HS3ST4: variants seen among roughly 807,000 people sequenced by gnomAD.
HS3ST4 encodes the protein heparan sulfate glucosamine 3-O-sulfotransferase 4.
Under a neutral mutation model 29.2 loss-of-function variants are expected in HS3ST4, and 17 were observed. That is an observed-to-expected ratio of 0.58 (90% CI 0.40 to 0.87). The LOEUF is 0.87. HS3ST4 is among the 40% of genes least tolerant of loss of function. The pLI is 0.00. For synonymous variants in HS3ST4, 314 were observed against 285.7 expected (o/e 1.10, Z -1.00); for missense variants, 627 against 634.5 (o/e 0.99, Z 0.13).
rs765704810 is a variant in HS3ST4 at position 25,692,947 on chromosome 16, C to T, written c.530C>T (p.Ala177Val). 1.9e-6 allele frequency: 3 copies of T among 1,609,518 alleles called. No homozygotes were observed. In the African/African-American group the frequency reaches 4.0e-5, roughly 22 times the overall value. Residue 177 changes from alanine (A) to valine (V), a missense_variant, in exon 1 of 2, where the codon GCC becomes GTC. Physicochemically the swap from Ala to Val is moderately conservative, Grantham distance 64. This residue lies in a region of HS3ST4 where 402 missense variants were observed against 340.8 expected (regional missense o/e 1.18). Coordinates refer to ENST00000331351, the MANE Select transcript of HS3ST4 (RefSeq NM_006040.3). ...GAGGATCTCGCAGGCCGGAGAGCGGCCAACGGGAGCAGCGAGAGGGGCGGC... is the reference window on the plus strand; with the variant it reads ...GAGGATCTCGCAGGCCGGAGAGCGGTCAACGGGAGCAGCGAGAGGGGCGGC... ...TDEDLAGRRA[A>V]NGSSERGGAV...
intron 1 of HS3ST4, among the ~76,000 whole-genome samples, chr16:25,758,231 A>G (rs542510960): frequency 6.6e-6 from 1 of 152,230 alleles, no homozygotes; most frequent in East Asian, 1.9e-4. Flanking sequence ...CTTTGCTCTA[A>G]CCCTTATATC....
At chr16:26,012,827 G>C (rs963305057) in intron 1 of HS3ST4, among the ~76,000 whole-genome samples, 2 of 152,064 alleles carry the variant, frequency 1.3e-5, no homozygotes, top group African/African-American at 4.8e-5. Context: ...TGTATTTTGA[G>C]AGGTCAGAAA....
At position 25,974,080 on chromosome 16, in the gene HS3ST4, T is replaced by A. The variant is rs561188941; in HGVS notation, c.735-161532T>A. Among the ~76,000 whole-genome samples, 283 of 152,222 alleles carry A rather than the reference T, an allele frequency of 1.9e-3. 2 individuals are homozygous for A. The highest frequency in any genetic ancestry group is 2.0e-3 in the Non-Finnish European group (134 of 68,042). On this transcript the variant is annotated intron_variant, in intron 1 of 1. Transcript: ENST00000331351. ...CCAACTCTTACCAGAGACAAGGCTC[T>A]TACATACGCTTCTTACACGATTGAA...
chr16:25,745,810 A>G (rs976617724), intron 1 of HS3ST4, among the ~76,000 whole-genome samples: 4 of 152,200 alleles, frequency 2.6e-5, no homozygotes, highest in African/African-American at 9.6e-5. Context: ...TCACCAATCT[A>G]CATGTTTTGG....
chr16:25,759,230 A>C (rs1966775128), intron 1 of HS3ST4, among the ~76,000 whole-genome samples: 1 of 152,230 alleles, frequency 6.6e-6, no homozygotes, highest in Non-Finnish European at 1.5e-5. Flanking sequence ...AATAGCTTGC[A>C]GTTAGAAACA....
Position 26,088,902 on chromosome 16 carries a change from A to T in HS3ST4, c.735-46710A>T, listed in dbSNP as rs1169357639. ...CTCAACATTAATTTTTTCATGGGTC[A>T]TGTAGACTATATTTTAAGTCAGATC... On this transcript the variant is annotated intron_variant, in intron 1 of 1. Coordinates refer to ENST00000331351, the MANE Select transcript of HS3ST4 (RefSeq NM_006040.3). 3.9e-4 allele frequency among the ~76,000 whole-genome samples: 60 copies of T among 152,212 alleles called. 3 individuals are homozygous for T. The highest frequency in any genetic ancestry group is 3.9e-3 in the Admixed American group (60 of 15,276).
chr16:25,979,829 C>T (rs183606996), intron 1 of HS3ST4, among the ~76,000 whole-genome samples: 2 of 152,306 alleles, frequency 1.3e-5, no homozygotes, highest in East Asian at 1.9e-4. Flanking sequence ...GGCACTTCTC[C>T]TCTCCTTGCC....
At chr16:25,719,370 GACAGACAAGTGACAATC>G (rs937825476) in intron 1 of HS3ST4, among the ~76,000 whole-genome samples, 2 of 129,776 alleles carry the variant, frequency 1.5e-5, no homozygotes, top group Non-Finnish European at 3.6e-5. Context: ...TAAGAAGACA[GACAGACAAGTGACAATC>G]ACAATTTAGC....
intron 1 of HS3ST4, among the ~76,000 whole-genome samples, chr16:25,970,648 A>G (rs1968887601): frequency 6.6e-6 from 1 of 151,982 alleles, no homozygotes; most frequent in South Asian, 2.1e-4. Flanking sequence ...TGCTAGGGCT[A>G]TGGGAACATG....
At chr16:25,809,855 T>G (rs886151477) in intron 1 of HS3ST4, among the ~76,000 whole-genome samples, 5 of 152,178 alleles carry the variant, frequency 3.3e-5, no homozygotes, top group African/African-American at 1.2e-4. Flanking sequence ...ATTCCTCTTA[T>G]TGGTGACTTG....
chr16:26,032,242 A>G (rs1205561377), intron 1 of HS3ST4, among the ~76,000 whole-genome samples: 2 of 152,194 alleles, frequency 1.3e-5, no homozygotes, highest in Admixed American at 6.5e-5. Flanking sequence ...TTTTGTGCCA[A>G]GGTGGCCATG....
intron 1 of HS3ST4, among the ~76,000 whole-genome samples, chr16:25,857,899 TC>T (rs368852489): frequency 0.22 from 20,969 of 93,764 alleles, 3,371 homozygotes; most frequent in Middle Eastern, 0.26. Flanking sequence ...TCTTTTTCTT[TC>T]TTCCTTCCTT....
At chr16:25,736,477 T>C (rs1428194153) in intron 1 of HS3ST4, among the ~76,000 whole-genome samples, 1 of 152,222 alleles carries the variant, frequency 6.6e-6, no homozygotes, top group Middle Eastern at 3.2e-3. Flanking sequence ...TGTTCTCAGA[T>C]TTCCTCGAAT....
At chr16:25,807,082 C>T (rs918767059) in intron 1 of HS3ST4, among the ~76,000 whole-genome samples, 3 of 152,200 alleles carry the variant, frequency 2.0e-5, no homozygotes, top group African/African-American at 4.8e-5. Flanking sequence ...AAGCAATTCT[C>T]CTGCCCCAGC....
chr16:25,792,493 G>A (rs1966871421), intron 1 of HS3ST4, among the ~76,000 whole-genome samples: 1 of 151,962 alleles, frequency 6.6e-6, no homozygotes, highest in Admixed American at 6.5e-5. Flanking sequence ...ATAGAGGACT[G>A]TTGAGGCTCA....
At chr16:25,724,598 G>A (rs913992770) in intron 1 of HS3ST4, among the ~76,000 whole-genome samples, 6 of 151,928 alleles carry the variant, frequency 3.9e-5, no homozygotes, top group South Asian at 2.1e-4. Context: ...TCCTGAACTC[G>A]TGATCCCCCC....
intron 1 of HS3ST4, among the ~76,000 whole-genome samples, chr16:25,794,896 TACACACACACACACACACACAC>T (rs59740575): frequency 1.3e-4 from 18 of 136,682 alleles, no homozygotes; most frequent in Non-Finnish European, 2.6e-4. Flanking sequence ...TACTCAAGAA[TACACACACACACACACACACAC>T]ACACACACAC....
chr16:26,012,460 G>A (rs1166807920), intron 1 of HS3ST4, among the ~76,000 whole-genome samples: 15 of 152,198 alleles, frequency 9.9e-5, no homozygotes, highest in Admixed American at 9.8e-4. Context: ...CCTGAAATTT[G>A]TAATTCTGCT....
At chr16:25,922,219 AC>A (rs1384975576) in intron 1 of HS3ST4, among the ~76,000 whole-genome samples, 1 of 152,054 alleles carries the variant, frequency 6.6e-6, no homozygotes, top group Non-Finnish European at 1.5e-5. Context: ...ATAGGTTGAA[AC>A]CTAATCCCTG....
Sources: gnomAD v4.1 joint callset for allele counts (sites outside exome capture counted in the v4.1 genomes callset) on GRCh38, gnomAD v4.1.1 for gene constraint, gnomAD v4.1.1 regional missense constraint, MANE v1.5 for transcripts, NCBI Gene and HGNC (gene_info 2026-07-23, HGNC 2026-07-21) for gene names.